The following ERBB4 variants were observed in gnomAD, a reference collection of about 807,000 sequenced individuals.
ERBB4 encodes receptor tyrosine-protein kinase erbB-4.
In ERBB4, 42 loss-of-function variants were observed where a neutral mutation model predicts 158.0. That is an observed-to-expected ratio of 0.27 (90% confidence interval 0.21 to 0.34). The LOEUF is 0.34. ERBB4 is among the 10% of genes least tolerant of loss of function. The probability of loss-of-function intolerance (pLI) is 1.00; values close to 1 mark genes in which losing one functional copy is unlikely to be tolerated. For synonymous variants in ERBB4, 583 were observed against 558.7 expected (o/e 1.04, Z -0.61); for missense variants, 1,333 against 1,624.1 (o/e 0.82, Z 3.08).
intron 1 of ERBB4, among the ~76,000 whole-genome samples, chr2:212,338,992 G>C (rs1421352042): frequency 1.3e-5 from 2 of 152,028 alleles, no homozygotes; most frequent in Non-Finnish European, 2.9e-5. Flanking sequence ...AATGTTCCTA[G>C]TGCATTATTA....
intron 2 of ERBB4, among the ~76,000 whole-genome samples, chr2:212,009,844 T>C (rs1441196488): frequency 6.6e-6 from 1 of 152,132 alleles, no homozygotes; most frequent in African/African-American, 2.4e-5. Context: ...GACATTTGTA[T>C]CCTCCCACCT....
intron 10 of ERBB4, among the ~76,000 whole-genome samples, chr2:211,704,594 C>T (rs74363789): frequency 0.029 from 4,372 of 152,208 alleles, 141 homozygotes; most frequent in African/African-American, 0.08. Context: ...CATTATTTTA[C>T]GGTAAGTCCA....
At chr2:211,885,400 T>C (rs1195884719) in intron 3 of ERBB4, among the ~76,000 whole-genome samples, 1 of 151,514 alleles carries the variant, frequency 6.6e-6, no homozygotes, top group Non-Finnish European at 1.5e-5. Context: ...AAAGAAAGAA[T>C]AAAGAAAAAG....
chr2:212,084,186 GAGA>G (rs959203700), intron 2 of ERBB4, among the ~76,000 whole-genome samples: 3 of 151,938 alleles, frequency 2.0e-5, no homozygotes, highest in Non-Finnish European at 2.9e-5. Flanking sequence ...TGACTTCTAT[GAGA>G]AGATTATTAA....
chr2:211,522,310 A>T (rs2066208965), intron 20 of ERBB4, among the ~76,000 whole-genome samples: 1 of 152,188 alleles, frequency 6.6e-6, no homozygotes, highest in African/African-American at 2.4e-5. Flanking sequence ...TCAATGGAGA[A>T]AGTAACTGTA....
At chr2:212,133,407 GTT>G (rs757664716) in intron 1 of ERBB4, among the ~76,000 whole-genome samples, 2 of 60,814 alleles carry the variant, frequency 3.3e-5, no homozygotes, top group Non-Finnish European at 1.2e-4. Context: ...TTTTTTTTTT[GTT>G]TTGTTTTGTT....
In ERBB4 at chr2:211,630,617, A is replaced by T. The variant is rs199573850; in HGVS notation, c.1947-23T>A. 1.7e-4 allele frequency: 280 copies of T among 1,604,022 alleles called. No individual in the cohort carries two copies. The African/African-American group carries it at 2.2e-3, about 12-fold the overall frequency. On this transcript the variant is annotated intron_variant, in intron 16 of 27. Transcript: ENST00000342788. Reference sequence around the variant, plus strand: ...GTTCTGACAACCAGAATGAGAAAAAAAAAAATAAAAAGTATGAAGAGAGAG... The same window carrying T: ...GTTCTGACAACCAGAATGAGAAAAATAAAAATAAAAAGTATGAAGAGAGAG...
intron 9 of ERBB4, among the ~76,000 whole-genome samples, chr2:211,709,260 T>TATATATATATACATACATATATATATAC: frequency 7.6e-6 from 1 of 132,316 alleles, no homozygotes; most frequent in African/African-American, 2.8e-5. Context: ...TACACATATA[T>TATATATATATACATACATATATATATAC]ATATATATAT....
At chr2:212,143,555 G>A (rs2080555761) in intron 1 of ERBB4, among the ~76,000 whole-genome samples, 1 of 151,976 alleles carries the variant, frequency 6.6e-6, no homozygotes. Context: ...AGAAATACTA[G>A]ATAGCCTTAC....
At chr2:211,625,299 C>A (rs570761701) in intron 17 of ERBB4, among the ~76,000 whole-genome samples, 2 of 152,276 alleles carry the variant, frequency 1.3e-5, no homozygotes, top group African/African-American at 4.8e-5. Flanking sequence ...CTTGAACCCA[C>A]CACAGTAATT....
rs576353659 is a variant in ERBB4 at position 212,422,266 on chromosome 2, A to T, written c.82+116183T>A. On this transcript the variant is annotated intron_variant, in intron 1 of 27. Coordinates refer to ENST00000342788, the MANE Select transcript of ERBB4 (RefSeq NM_005235.3). ...CATGCTTTAATCGCAGCACTTTGGG[A>T]GGCCAAGGCGGGTGGATAACTGGAG... Among the ~76,000 whole-genome samples, 10 of 152,264 alleles carry T rather than the reference A, an allele frequency of 6.6e-5. No individual in the cohort carries two copies. The East Asian group carries it at 1.9e-3, about 29-fold the overall frequency.
chr2:212,127,843 C>T (rs2079990227), intron 1 of ERBB4, among the ~76,000 whole-genome samples: 1 of 152,008 alleles, frequency 6.6e-6, no homozygotes, highest in African/African-American at 2.4e-5. Context: ...GATTGATGGC[C>T]ACCACCAGAA....
chr2:212,108,908 G>A (rs1427244658), intron 2 of ERBB4, among the ~76,000 whole-genome samples: 2 of 152,054 alleles, frequency 1.3e-5, no homozygotes, highest in East Asian at 3.9e-4. Flanking sequence ...TATCTATGGT[G>A]GTAGGAGAGT....
rs2067701822 is a variant in ERBB4 at position 211,570,790 on chromosome 2, T to C, written c.2302-8702A>G. On this transcript the variant is annotated intron_variant, in intron 19 of 27. Transcript: ENST00000342788. The stretch of plus-strand genomic sequence containing the variant: ...CAGTCCCCCTTTAGCTATTTCTTCA[T>C]GTTATCCTCCTTTGTGCCTTTGAGA... Among the ~76,000 whole-genome samples, 5 of 152,144 alleles carry C rather than the reference T, an allele frequency of 3.3e-5. No individual in the cohort carries two copies. The South Asian group carries it at 1.0e-3, about 31-fold the overall frequency.
intron 1 of ERBB4, among the ~76,000 whole-genome samples, chr2:212,165,918 T>G (rs2125658899): frequency 6.6e-6 from 1 of 152,216 alleles, no homozygotes; most frequent in South Asian, 2.1e-4. Context: ...AACACTTTAA[T>G]TTTTGCTTTA....
chr2:211,824,460 ACTGT>A (rs1459041387), intron 3 of ERBB4, among the ~76,000 whole-genome samples: 3 of 152,072 alleles, frequency 2.0e-5, no homozygotes, highest in African/African-American at 7.2e-5. Context: ...CATTTAGACA[ACTGT>A]CTATTTTATT....
intron 20 of ERBB4, among the ~76,000 whole-genome samples, chr2:211,487,780 C>A (rs149469826): frequency 2.0e-4 from 30 of 152,114 alleles, no homozygotes; most frequent in Middle Eastern, 3.4e-3. Context: ...ATTTCACTGA[C>A]AGTAAAGGGC....
intron 4 of ERBB4, among the ~76,000 whole-genome samples, chr2:211,773,717 A>C (rs1246438119): frequency 1.4e-5 from 2 of 145,624 alleles, no homozygotes; most frequent in Non-Finnish European, 3.0e-5. Context: ...TGAAGAATAT[A>C]TATATACACA....
chr2:211,928,378 T>C (rs1056526710), intron 3 of ERBB4, among the ~76,000 whole-genome samples: 2 of 152,084 alleles, frequency 1.3e-5, no homozygotes, highest in Admixed American at 6.6e-5. Context: ...ACCATTGTCC[T>C]ATGGAGAAGC....
Sources: gnomAD v4.1 joint callset for allele counts (sites outside exome capture counted in the v4.1 genomes callset) on GRCh38, gnomAD v4.1.1 for gene constraint, MANE v1.5 for transcripts, NCBI Gene and HGNC (gene_info 2026-07-23, HGNC 2026-07-21) for gene names.